Variants in CPLX4 observed in about 807,000 individuals in gnomAD.
CPLX4 encodes the protein complexin 4.
A neutral mutation model predicts 16.1 loss-of-function variants in CPLX4; 17 were observed. The observed-to-expected ratio is 1.06, with a 90% CI of 0.72 to 1.59. The LOEUF is 1.59. Among genes scored for constraint, CPLX4 ranks in the 40% most tolerant of loss-of-function variants. CPLX4 has a pLI of 0.00. For synonymous variants in CPLX4, 55 were observed against 57.8 expected (o/e 0.95, Z 0.22); for missense variants, 193 against 192.9 (o/e 1.00, Z 0.00).
In CPLX4 at chr18:59,308,537, A is replaced by G. The variant is rs895054828; in HGVS notation, c.255+4148T>C. ...CCCCCATCCCATCCAATGACCTATC[A>G]AGACTTTTTTTTTTTTTTTTTTTAA... is the stretch of plus-strand genomic sequence containing the variant. On this transcript the variant is annotated intron_variant, in intron 2 of 2. Transcript: ENST00000299721. 2.8e-5 allele frequency among the ~76,000 whole-genome samples: 4 copies of G among 142,378 alleles called. No individual in the cohort carries two copies. In the Admixed American group the frequency reaches 2.9e-4, roughly 10 times the overall value. The allele number at this position is 142,378 out of a possible 152,430, so 93.4% of individuals were successfully genotyped here.
chr18:59,297,309 C>T (rs533940541), intron 2 of CPLX4, among the ~76,000 whole-genome samples: 3 of 150,432 alleles, frequency 2.0e-5, no homozygotes, highest in Admixed American at 1.3e-4. Context: ...GGGAGTCTTG[C>T]TCTGTTGCCC....
rs1369219375 is a variant in CPLX4 at position 59,295,743 on chromosome 18, G to A, written c.*955C>T. 6.6e-6 allele frequency: 1 copy of A among 151,756 alleles called. No homozygotes were observed. The highest frequency in any genetic ancestry group is 1.5e-5 in the Non-Finnish European group (1 of 67,970). The allele number at this position is 151,756 out of a possible 1,614,324, so 9.4% of individuals were successfully genotyped here. A position where few individuals can be genotyped will look rare whatever the true frequency, so the allele number is the denominator to read the frequency against. On this transcript the variant is annotated 3_prime_UTR_variant, in exon 3 of 3. Transcript: ENST00000299721. ...TGAAAGCTTGTGGCACCAAATGACA[G>A]TGTGATTTACTGGAAGGTAGTCTAA...
intron 2 of CPLX4, among the ~76,000 whole-genome samples, chr18:59,305,388 A>C (rs912818340): frequency 6.6e-6 from 1 of 152,162 alleles, no homozygotes; most frequent in African/African-American, 2.4e-5. Context: ...AACAAAAAAC[A>C]GGAAAGAAAC....
chr18:59,306,577 C>T (rs920391737), intron 2 of CPLX4, among the ~76,000 whole-genome samples: 1 of 152,186 alleles, frequency 6.6e-6, no homozygotes, highest in Non-Finnish European at 1.5e-5. Flanking sequence ...TTATGTTGCT[C>T]CTTTTCAAAG....
intron 2 of CPLX4, among the ~76,000 whole-genome samples, chr18:59,304,567 CATTTT>C (rs372271363): frequency 9.2e-5 from 14 of 151,840 alleles, no homozygotes. Flanking sequence ...GTTCTTTGGG[CATTTT>C]ATTTTATTTT....
At chr18:59,304,653 C>T (rs1007556928) in intron 2 of CPLX4, among the ~76,000 whole-genome samples, 2 of 152,114 alleles carry the variant, frequency 1.3e-5, no homozygotes, top group African/African-American at 4.8e-5. Context: ...CTCACTGCAA[C>T]CTCCAACTCT....
chr18:59,298,047 T>C (rs978652411), intron 2 of CPLX4, among the ~76,000 whole-genome samples: 1 of 152,174 alleles, frequency 6.6e-6, no homozygotes, highest in Non-Finnish European at 1.5e-5. Flanking sequence ...GGAGTGTCTG[T>C]TCTAGAATTT....
chr18:59,318,173 A>T, intron 1 of CPLX4, 123 bp downstream of exon 1: 1 of 1,442,184 alleles, frequency 6.9e-7, no homozygotes, highest in Non-Finnish European at 9.1e-7. Context: ...CTTGGGTTAG[A>T]GGTAAACGGC....
intron 2 of CPLX4, among the ~76,000 whole-genome samples, chr18:59,298,115 G>A (rs1050683035): frequency 1.3e-5 from 2 of 151,256 alleles, no homozygotes; most frequent in South Asian, 2.1e-4. Flanking sequence ...TTTTAGACAG[G>A]GTCTCTCTCT....
At chr18:59,307,733 A>T (rs1272204103) in intron 2 of CPLX4, among the ~76,000 whole-genome samples, 1 of 145,694 alleles carries the variant, frequency 6.9e-6, no homozygotes, top group Non-Finnish European at 1.5e-5. Flanking sequence ...TACACCTCGC[A>T]TCCCCACTGT....
intron 2 of CPLX4, among the ~76,000 whole-genome samples, chr18:59,308,576 A>G (rs1384886158): frequency 6.9e-6 from 1 of 144,032 alleles, no homozygotes; most frequent in Non-Finnish European, 1.5e-5. Context: ...ACCTCTAGAA[A>G]TTGGTTTCTG....
At chr18:59,301,235 A>C (rs529635009) in intron 2 of CPLX4, among the ~76,000 whole-genome samples, 1 of 152,342 alleles carries the variant, frequency 6.6e-6, no homozygotes, top group East Asian at 1.9e-4. Context: ...AGTCTACAAG[A>C]GGGGTGTGGG....
Position 59,313,220 on chromosome 18 carries a change from T to TA in CPLX4, c.168-449dup, listed in dbSNP as rs527962803. On this transcript the variant is annotated intron_variant, in intron 1 of 2. Coordinates refer to ENST00000299721, the MANE Select transcript of CPLX4 (RefSeq NM_181654.4). The stretch of plus-strand genomic sequence containing the variant: ...CTCCCCGAGTGATTCTTACGCAAAC[T>TA]AAAATAGGGCCACAGTGTCCAGAAC... Among the ~76,000 whole-genome samples the TA allele has an allele frequency of 2.2e-4, 33 of 152,220 alleles. 1 individual carries two copies. The South Asian group carries it at 6.8e-3, about 32-fold the overall frequency.
intron 2 of CPLX4, among the ~76,000 whole-genome samples, chr18:59,305,827 G>A (rs2070573022): frequency 6.6e-6 from 1 of 152,242 alleles, no homozygotes; most frequent in Non-Finnish European, 1.5e-5. Context: ...CGAGTGAGAA[G>A]AAGAGCCAGC....
intron 2 of CPLX4, among the ~76,000 whole-genome samples, chr18:59,307,345 G>A (rs1178760073): frequency 1.3e-5 from 2 of 152,200 alleles, no homozygotes; most frequent in Non-Finnish European, 2.9e-5. Context: ...AGGAGCCAAA[G>A]TACTGTGGTC....
Position 59,318,567 on chromosome 18 carries a change from A to G in CPLX4, c.-105T>C. ...TCCAAATATTCTCAATGACAGCAATACATTTAAGAGCAAAGGACTTTGCAC... is the reference window on the plus strand; with the variant it reads ...TCCAAATATTCTCAATGACAGCAATGCATTTAAGAGCAAAGGACTTTGCAC... On this transcript the variant is annotated 5_prime_UTR_variant, in exon 1 of 3. Coordinates refer to ENST00000299721, the MANE Select transcript of CPLX4 (RefSeq NM_181654.4). The G allele has an allele frequency of 6.8e-7, 1 of 1,465,594 alleles. No individual in the cohort carries two copies. Among genetic ancestry groups the G allele is most frequent in the Non-Finnish European group, 9.0e-7 (1 of 1,115,912 alleles). 90.8% of individuals were successfully genotyped at this position (1,465,594 alleles called of 1,614,324 possible).
At chr18:59,318,241 T>C in intron 1 of CPLX4, 55 bp downstream of exon 1, 1 of 1,520,206 alleles carries the variant, frequency 6.6e-7, no homozygotes. Flanking sequence ...GAAGAAGGTA[T>C]GGCCAGAATG....
chr18:59,310,085 A>G (rs2070606733), intron 2 of CPLX4, among the ~76,000 whole-genome samples: 1 of 152,226 alleles, frequency 6.6e-6, no homozygotes, highest in African/African-American at 2.4e-5. Context: ...TTCATGGTCT[A>G]TGAGAAAATC....
At chr18:59,310,667 T>C (rs2144189136) in intron 2 of CPLX4, among the ~76,000 whole-genome samples, 1 of 152,280 alleles carries the variant, frequency 6.6e-6, no homozygotes, top group South Asian at 2.1e-4. Context: ...TTGTCAGGCG[T>C]TGTACTAGGT....
Sources: allele counts gnomAD v4.1 joint callset (sites outside exome capture counted in the v4.1 genomes callset), GRCh38; gene constraint gnomAD v4.1.1; transcripts MANE v1.5; gene names NCBI Gene and HGNC (gene_info 2026-07-23, HGNC 2026-07-21).